COL6A5: variants seen among roughly 807,000 people sequenced by gnomAD.
COL6A5 encodes the protein collagen type VI alpha 5 chain, also known as collagen alpha-5(VI) chain.
A neutral mutation model predicts 65.6 loss-of-function variants in COL6A5; 48 were observed. The observed-to-expected ratio is 0.73, with a 90% CI of 0.58 to 0.93. COL6A5 has a LOEUF of 0.93. Ranked by LOEUF, COL6A5 falls within the 40% of genes least tolerant of loss-of-function variation. The probability of loss-of-function intolerance (pLI) is 0.00; values close to 1 mark genes in which losing one functional copy is unlikely to be tolerated. For synonymous variants in COL6A5, 291 were observed against 322.8 expected, an observed-to-expected ratio of 0.90 and a Z score of 1.05; for missense variants, 914 against 928.3, an observed-to-expected ratio of 0.98 and a Z score of 0.20.
At chr3:130,416,803 G>C in exon 24 of COL6A5, 1 of 1,519,592 alleles carries the variant, frequency 6.6e-7, no homozygotes, top group Non-Finnish European at 8.9e-7. Context: ...GGAAGACCTG[G>C]ACTTTTGGGG....
chr3:130,374,340 C>T (rs572894170), intron 2 of COL6A5, among the ~76,000 whole-genome samples: 3 of 152,110 alleles, frequency 2.0e-5, no homozygotes, highest in Non-Finnish European at 2.9e-5. Flanking sequence ...AAGTATAATA[C>T]AATGGTAAGG....
At position 130,397,916 on chromosome 3, in the gene COL6A5, G is replaced by A. The variant is rs944476228; in HGVS notation, c.3902G>A (p.Arg1301Gln). ...ACATTTAAGGATAAATCTGCATCCC[G>A]GGGCCAGGTATCCATATTACATTCT... The change falls in exon 9 of 42, where the codon CGG becomes CAG. Residue 1301 changes from arginine to glutamine, a missense_variant and NMD_transcript_variant. Coordinates refer to the COL6A5 transcript ENST00000312481. 75 of 1,550,004 alleles carry A rather than the reference G, an allele frequency of 4.8e-5. No homozygotes were observed. Among genetic ancestry groups the A allele is most frequent in the Admixed American group, 2.7e-4 (14 of 50,984 alleles).
At chr3:130,388,861 G>T (rs1936292209) in exon 6 of COL6A5, 4 of 1,551,156 alleles carry the variant, frequency 2.6e-6, no homozygotes, top group Non-Finnish European at 3.5e-6. Flanking sequence ...AAATTTTGTA[G>T]GTCAATACTT....
At chr3:130,444,930 G>A (rs770347316) in intron 4 of COL6A5, among the ~76,000 whole-genome samples, 1 of 152,176 alleles carries the variant, frequency 6.6e-6, no homozygotes, top group African/African-American at 2.4e-5. Context: ...AGGAATACGG[G>A]GTGATACAGA....
chr3:130,385,162 G>T (rs1936139550), exon 5 of COL6A5: 3 of 1,551,080 alleles, frequency 1.9e-6, no homozygotes, highest in African/African-American at 2.7e-5. Flanking sequence ...TGACTGATGG[G>T]ATGTCCACAG....
At chr3:130,472,832 C>CACATATATATATAT (rs1553760928) in intron 7 of COL6A5, among the ~76,000 whole-genome samples, 19 of 99,392 alleles carry the variant, frequency 1.9e-4, no homozygotes, top group African/African-American at 7.5e-4. Flanking sequence ...TGTGTGTATA[C>CACATATATATATAT]ATATATATAT....
chr3:130,399,837 C>T (rs948499322), intron 10 of COL6A5, among the ~76,000 whole-genome samples: 5 of 152,082 alleles, frequency 3.3e-5, no homozygotes, highest in African/African-American at 1.2e-4. Context: ...GCTGCAACCT[C>T]TGCCTCCCAG....
chr3:130,395,318 G>A lies in COL6A5; in HGVS notation c.3421G>A (p.Gly1141Ser). The change falls in exon 8 of 42, where the codon GGC becomes AGC. Residue 1141 changes from glycine (G) to serine (S), a missense_variant and NMD_transcript_variant. Transcript: ENST00000312481. ...CCTTGGAATTTGTGTCCTGGTTTTGGGCATAGGAGATGTTTATAAGGAACA... is the reference window on the plus strand; with the variant it reads ...CCTTGGAATTTGTGTCCTGGTTTTGAGCATAGGAGATGTTTATAAGGAACA... 5.2e-6 allele frequency: 8 copies of A among 1,551,370 alleles called. No individual in the cohort carries two copies. In the East Asian group the frequency reaches 2.0e-4, roughly 38 times the overall value.
intron 4 of COL6A5, among the ~76,000 whole-genome samples, chr3:130,382,223 C>T (rs1020323757): frequency 1.3e-5 from 2 of 151,952 alleles, no homozygotes; most frequent in African/African-American, 4.8e-5. Flanking sequence ...GGAAAACAAA[C>T]AAACAAACAA....
chr3:130,413,665 A>G (rs2219026), intron 21 of COL6A5, 85 bp downstream of exon 21: 938,773 of 1,366,516 alleles, frequency 0.69, 339,777 homozygotes, highest in Non-Finnish European at 0.75. Context: ...AATCATATCA[A>G]TGAGCATTTT....
At chr3:130,481,652 A>C (rs1710243142) in intron 7 of COL6A5, among the ~76,000 whole-genome samples, 1 of 151,906 alleles carries the variant, frequency 6.6e-6, no homozygotes. Context: ...ACTAATTTAC[A>C]CTCCCACCAA....
At chr3:130,439,412 G>T in intron 1 of COL6A5, 110 bp from the exon 34 acceptor site, 2 of 634,834 alleles carry the variant, frequency 3.2e-6, no homozygotes, top group Non-Finnish European at 5.6e-6. Context: ...GAGCTATAAT[G>T]CAAGGTAATA....
At chr3:130,361,690 T>C (rs1935112087) in intron 1 of COL6A5, among the ~76,000 whole-genome samples, 1 of 152,122 alleles carries the variant, frequency 6.6e-6, no homozygotes, top group African/African-American at 2.4e-5. Flanking sequence ...CATTAATCCC[T>C]GTCAGCAGTA....
rs1269516742 is a variant in COL6A5, at chr3:130,403,735, A to G, written c.4281+73A>G. 5.5e-6 allele frequency: 6 copies of G among 1,097,826 alleles called. No homozygotes were observed. The East Asian group carries it at 1.4e-4, about 26-fold the overall frequency. 68.0% of individuals were successfully genotyped at this position (1,097,826 alleles called of 1,614,324 possible). ...CACACACACACACACACACAAACAC[A>G]CACTTATTTTCTTTTTCATAAAAAA... On this transcript the variant is annotated intron_variant and NMD_transcript_variant, in intron 13 of 41. Coordinates refer to the COL6A5 transcript ENST00000312481.
intron 7 of COL6A5, among the ~76,000 whole-genome samples, chr3:130,478,037 A>G (rs980074178): frequency 6.6e-6 from 1 of 152,012 alleles, no homozygotes; most frequent in Non-Finnish European, 1.5e-5. Context: ...GTAAATTTGA[A>G]TCCTATTTCT....
At chr3:130,398,704 C>T (rs1031288366) in intron 10 of COL6A5, among the ~76,000 whole-genome samples, 2 of 152,126 alleles carry the variant, frequency 1.3e-5, no homozygotes, top group African/African-American at 4.8e-5. Context: ...GGTTACCATG[C>T]CCCACGTTGG....
chr3:130,390,360 G>C (rs1936352187), intron 6 of COL6A5, among the ~76,000 whole-genome samples: 2 of 152,112 alleles, frequency 1.3e-5, no homozygotes, highest in East Asian at 3.9e-4. Flanking sequence ...CATTCACAGT[G>C]TCAGAAAATT....
At chr3:130,480,179 AAAT>A (rs1198050918) in intron 7 of COL6A5, among the ~76,000 whole-genome samples, 2 of 152,026 alleles carry the variant, frequency 1.3e-5, no homozygotes. Flanking sequence ...TAATATGTAA[AAAT>A]AACAGGGAAA....
rs376108585 is a variant in COL6A5, at chr3:130,440,192, C to T, written c.610C>T (p.Arg204Ter). 161 of 1,612,004 alleles carry T rather than the reference C, an allele frequency of 1.0e-4. No homozygotes were observed. The highest frequency in any genetic ancestry group is 1.2e-4 in the South Asian group (11 of 90,970). Residue 204 changes from arginine (R) to a stop codon, truncating the protein, a stop_gained, in exon 3 of 8, where the codon CGA (arginine) becomes TGA (stop). Transcript: ENST00000512836. LOFTEE classifies it high-confidence loss of function. ...TAAATGTTTTCCAAATGCTTGCATT[C>T]GAGAGGCTTTCTTACCTGAAGATTC...
Sources: gnomAD v4.1 joint callset for allele counts (sites outside exome capture counted in the v4.1 genomes callset) on GRCh38, gnomAD v4.1.1 for gene constraint, MANE v1.5 for transcripts, NCBI Gene and HGNC (gene_info 2026-07-23, HGNC 2026-07-21) for gene names.